The following RBFOX1 variants were observed in gnomAD, a reference collection of about 807,000 sequenced individuals.
RBFOX1 encodes RNA binding protein fox-1 homolog 1.
A neutral mutation model predicts 57.7 loss-of-function variants in RBFOX1; 8 were observed. The ratio of observed to expected loss-of-function variants is 0.14; its 90% CI spans 0.08 to 0.25. The LOEUF is 0.25. RBFOX1 is among the 10% of genes least tolerant of loss of function. RBFOX1 has a pLI of 1.00. For synonymous variants in RBFOX1, 326 were observed against 222.4 expected, an observed-to-expected ratio of 1.47 and a Z score of -4.15; for missense variants, 611 against 548.5, an observed-to-expected ratio of 1.11 and a Z score of -1.14.
intron 4 of RBFOX1, among the ~76,000 whole-genome samples, chr16:5,999,637 G>A (rs1034570583): frequency 2.6e-5 from 4 of 152,054 alleles, no homozygotes; most frequent in Admixed American, 6.5e-5. Context: ...TGAGGTGGGC[G>A]GATCACGAGG....
At chr16:5,247,050 C>T (rs557493009) in intron 1 of RBFOX1, among the ~76,000 whole-genome samples, 4 of 152,178 alleles carry the variant, frequency 2.6e-5, no homozygotes, top group East Asian at 1.9e-4. Flanking sequence ...TTTCACTTAA[C>T]GTAATATCCT....
At chr16:5,251,094 C>T (rs1596306696) in intron 1 of RBFOX1, among the ~76,000 whole-genome samples, 1 of 151,512 alleles carries the variant, frequency 6.6e-6, no homozygotes, top group African/African-American at 2.4e-5. Flanking sequence ...GTCCCAGCCC[C>T]TACCCACTTG....
At position 5,785,807 on chromosome 16, in the gene RBFOX1, A is replaced by G. The variant is rs775101336; in HGVS notation, c.319-81496A>G. 2.0e-5 allele frequency among the ~76,000 whole-genome samples: 3 copies of G among 152,080 alleles called. No homozygotes were observed. The South Asian group carries it at 6.2e-4, about 32-fold the overall frequency. The stretch of plus-strand genomic sequence containing the variant: ...CTCCCAAAGTGCTGGGATTATAGAC[A>G]TGAGCCTCTGCACCCGGCCAAGATG... On this transcript the variant is annotated intron_variant, in intron 3 of 19. Coordinates refer to the RBFOX1 transcript ENST00000641259.
intron 1 of RBFOX1, chr16:6,059,155 A>C (rs558310161): frequency 6.6e-6 from 1 of 152,344 alleles, no homozygotes; most frequent in Admixed American, 6.5e-5. Context: ...GAAGAGGTGA[A>C]TAATTCATCT....
At chr16:7,391,927 C>T (rs12598199) in intron 4 of RBFOX1, among the ~76,000 whole-genome samples, 12,332 of 152,218 alleles carry the variant, frequency 0.081, 534 homozygotes, top group East Asian at 0.2. Context: ...CGTTAGTTTA[C>T]CTTATGCACT....
At chr16:6,538,339 T>C (rs1251633353) in intron 2 of RBFOX1, among the ~76,000 whole-genome samples, 1 of 151,926 alleles carries the variant, frequency 6.6e-6, no homozygotes, top group Non-Finnish European at 1.5e-5. Context: ...AAAATAAAAA[T>C]AAATTAGCTG....
rs145423714 is a variant in RBFOX1 at position 5,512,072 on chromosome 16, C to A, written c.258+44818C>A. Among the ~76,000 whole-genome samples, 3 of 152,278 alleles carry A rather than the reference C, an allele frequency of 2.0e-5. No individual in the cohort carries two copies. In the East Asian group the frequency reaches 5.8e-4, roughly 29 times the overall value. ...CATGCAAGATGGATGCACACGGTGG[C>A]AATGGGGTGATATGTCTTGTCCGGA... On this transcript the variant is annotated intron_variant, in intron 2 of 2. Transcript: ENST00000585867.
intron 2 of RBFOX1, among the ~76,000 whole-genome samples, chr16:5,589,192 T>G (rs1428979848): frequency 6.6e-6 from 1 of 152,150 alleles, no homozygotes; most frequent in Non-Finnish European, 1.5e-5. Context: ...CTATCTGCAC[T>G]TGGCCACATC....
intron 2 of RBFOX1, among the ~76,000 whole-genome samples, chr16:5,469,604 A>C (rs1456243134): frequency 6.6e-6 from 1 of 152,094 alleles, no homozygotes. Flanking sequence ...ACCTTCATGT[A>C]GTTCCAAAGC....
At chr16:6,992,850 A>AAAAAG (rs1397096184) in intron 3 of RBFOX1, among the ~76,000 whole-genome samples, 1 of 151,774 alleles carries the variant, frequency 6.6e-6, no homozygotes, top group Non-Finnish European at 1.5e-5. Context: ...AAAAAAAAAA[A>AAAAAG]AAAAGATTTG....
At chr16:5,535,348 A>G (rs1234858775) in intron 2 of RBFOX1, among the ~76,000 whole-genome samples, 6 of 152,188 alleles carry the variant, frequency 3.9e-5, no homozygotes, top group African/African-American at 1.2e-4. Flanking sequence ...CTGGGGCACA[A>G]TTCATTTCCA....
At chr16:6,685,435 C>G (rs80208773) in intron 3 of RBFOX1, among the ~76,000 whole-genome samples, 1 of 135,482 alleles carries the variant, frequency 7.4e-6, no homozygotes, top group Non-Finnish European at 1.6e-5. Flanking sequence ...GCCACTATAC[C>G]CAGCTAATTT....
rs564233839 is a variant in RBFOX1, at chr16:6,927,014, C to G, written c.-15-125043C>G. Among the ~76,000 whole-genome samples, 3 of 152,234 alleles carry G rather than the reference C, an allele frequency of 2.0e-5. No homozygotes were observed. In the South Asian group the frequency reaches 6.2e-4, roughly 32 times the overall value. The stretch of plus-strand genomic sequence containing the variant: ...GCTTTGTCAAGCAATTGCTACTCAA[C>G]CAGCGATTACTATTAACCCTTCGTT... On this transcript the variant is annotated intron_variant, in intron 3 of 15. Coordinates refer to ENST00000550418, the MANE Select transcript of RBFOX1 (RefSeq NM_018723.4).
intron 4 of RBFOX1, among the ~76,000 whole-genome samples, chr16:5,972,533 A>G (rs2059984121): frequency 6.6e-6 from 1 of 152,194 alleles, no homozygotes; most frequent in Admixed American, 6.5e-5. Flanking sequence ...GTTGGCCCTT[A>G]TGGCTAATTC....
intron 4 of RBFOX1, among the ~76,000 whole-genome samples, chr16:6,002,452 C>G (rs1001647622): frequency 2.6e-5 from 4 of 152,146 alleles, no homozygotes; most frequent in Non-Finnish European, 5.9e-5. Flanking sequence ...TGGCATGCAC[C>G]TTTGCATTTT....
In RBFOX1 at chr16:6,779,853, ATATATATT is replaced by A. The variant is rs1567209184; in HGVS notation, c.-16+125219_-16+125226del. Among the ~76,000 whole-genome samples, 165 of 35,238 alleles carry A rather than the reference ATATATATT, an allele frequency of 4.7e-3. 39 individuals carry two copies. The highest frequency in any genetic ancestry group is 0.013 in the East Asian group (5 of 376). 23.1% of individuals were successfully genotyped at this position (35,238 alleles called of 152,430 possible). A position where few individuals can be genotyped will look rare whatever the true frequency, so the allele number is the denominator to read the frequency against. ...TTTTTATATATTTATATATATATTTATATATATTTATATATTTATATATATTTATATAT... is the reference window on the plus strand; with the variant it reads ...TTTTTATATATTTATATATATATTTATATATATTTATATATATTTATATAT... On this transcript the variant is annotated intron_variant, in intron 3 of 15. Transcript: ENST00000550418.
At chr16:6,077,450 G>A (rs767074155) in intron 1 of RBFOX1, among the ~76,000 whole-genome samples, 185 of 152,188 alleles carry the variant, frequency 1.2e-3, no homozygotes, top group African/African-American at 4.4e-3. Flanking sequence ...TCACTGCTGC[G>A]AACCAGGAAG....
intron 4 of RBFOX1, among the ~76,000 whole-genome samples, chr16:7,180,907 A>C (rs1486610989): frequency 6.6e-6 from 1 of 152,230 alleles, no homozygotes; most frequent in African/African-American, 2.4e-5. Flanking sequence ...AGAGGGTCAG[A>C]TAATAAATAT....
chr16:7,430,254 G>A (rs1056881582), intron 4 of RBFOX1, among the ~76,000 whole-genome samples: 2 of 152,036 alleles, frequency 1.3e-5, no homozygotes, highest in Non-Finnish European at 2.9e-5. Context: ...TCCCTATTTC[G>A]AAAATTATTT....
Sources: allele counts gnomAD v4.1 joint callset (sites outside exome capture counted in the v4.1 genomes callset), GRCh38; gene constraint gnomAD v4.1.1; transcripts MANE v1.5; gene names NCBI Gene and HGNC (gene_info 2026-07-23, HGNC 2026-07-21).